Variants in CA10 observed in about 807,000 individuals in gnomAD.
CA10 encodes the protein carbonic anhydrase 10 (inactive).
CA10 carries 14 observed loss-of-function variants against 44.2 expected under a neutral mutation model. That is an observed-to-expected ratio of 0.32 (90% confidence interval 0.21 to 0.50). The LOEUF (loss-of-function observed/expected upper bound fraction) is 0.50. Ranked by LOEUF, CA10 falls within the 20% of genes least tolerant of loss-of-function variation. The probability of loss-of-function intolerance (pLI) is 0.99; values close to 1 mark genes in which losing one functional copy is unlikely to be tolerated. For synonymous variants in CA10, 159 were observed against 141.6 expected, an observed-to-expected ratio of 1.12 and a Z score of -0.87; for missense variants, 350 against 409.7, an observed-to-expected ratio of 0.85 and a Z score of 1.26.
chr17:51,953,936 T>C (rs1983575127), intron 2 of CA10, among the ~76,000 whole-genome samples: 1 of 152,144 alleles, frequency 6.6e-6, no homozygotes, highest in Non-Finnish European at 1.5e-5. Context: ...TCCAAGAAAG[T>C]TAAACCAACA....
At position 51,633,585 on chromosome 17, in the gene CA10, G is replaced by A. The variant is rs34056432; in HGVS notation, c.855C>T (p.Asn285=). Residue 285 remains asparagine (N), a synonymous_variant, in exon 8 of 9, where the codon AAC becomes AAT. Coordinates refer to ENST00000451037, the MANE Select transcript of CA10 (RefSeq NM_020178.5). ...PSQIFLSMSD[N]FRPVQPLNNR... ...TGTTGAGTGGCTGGACAGGCCTGAA[G>A]TTGTCACTCATGCTCAGAAAGATCT... 1.7e-3 allele frequency: 2,796 copies of A among 1,614,008 alleles called. 60 individuals carry two copies. In the African/African-American group the frequency reaches 0.033, roughly 19 times the overall value.
chr17:51,852,234 T>G (rs569590403), intron 3 of CA10, among the ~76,000 whole-genome samples: 1 of 152,294 alleles, frequency 6.6e-6, no homozygotes, highest in African/African-American at 2.4e-5. Flanking sequence ...CACTCAGTCA[T>G]GACCACAGCC....
chr17:52,091,043 AAAT>A (rs1268399865), intron 1 of CA10, among the ~76,000 whole-genome samples: 2 of 152,230 alleles, frequency 1.3e-5, no homozygotes, highest in Admixed American at 6.5e-5. Context: ...AAGAAATATT[AAAT>A]AATGTTTTTT....
At chr17:51,786,173 A>G (rs1283778712) in intron 3 of CA10, among the ~76,000 whole-genome samples, 1 of 151,342 alleles carries the variant, frequency 6.6e-6, no homozygotes, top group African/African-American at 2.4e-5. Flanking sequence ...GTATCCTTCT[A>G]CTTTACTGAT....
chr17:51,843,505 G>T (rs1283922166), intron 3 of CA10, among the ~76,000 whole-genome samples: 1 of 152,156 alleles, frequency 6.6e-6, no homozygotes, highest in Non-Finnish European at 1.5e-5. Flanking sequence ...CCAGTTGCTG[G>T]TTGATTTTTT....
chr17:51,694,495 GT>G (rs548169573), intron 4 of CA10, among the ~76,000 whole-genome samples: 3,338 of 127,394 alleles, frequency 0.026, 94 homozygotes, highest in Admixed American at 0.088. Context: ...TTTTAATGGG[GT>G]TTTTTTTTTT....
intron 2 of CA10, among the ~76,000 whole-genome samples, chr17:52,055,790 T>A (rs1464938631): frequency 6.6e-6 from 1 of 152,156 alleles, no homozygotes; most frequent in Non-Finnish European, 1.5e-5. Flanking sequence ...CTCTTTTAAA[T>A]GAGGCATAAT....
chr17:51,723,290 C>G (rs1228016019), intron 4 of CA10, among the ~76,000 whole-genome samples: 1 of 152,146 alleles, frequency 6.6e-6, no homozygotes, highest in African/African-American at 2.4e-5. Context: ...AAGGTTACAG[C>G]TAAAAATTAG....
chr17:51,780,103 C>T lies in CA10; in HGVS notation c.280-32285G>A, dbSNP rs138702688. On this transcript the variant is annotated intron_variant, in intron 3 of 8. Coordinates refer to ENST00000451037, the MANE Select transcript of CA10 (RefSeq NM_020178.5). ...ATAGATTCTAGAGTGTAATCATAGA[C>T]ATTCAACCTGGACTTCTAGAACATT... 5.3e-4 allele frequency among the ~76,000 whole-genome samples: 81 copies of T among 152,330 alleles called. 1 individual carries two copies. The highest frequency in any genetic ancestry group is 1.9e-3 in the African/African-American group (78 of 41,580).
intron 4 of CA10, among the ~76,000 whole-genome samples, chr17:51,693,169 A>T (rs1008609986): frequency 6.6e-6 from 1 of 152,164 alleles, no homozygotes; most frequent in Non-Finnish European, 1.5e-5. Context: ...AGCTTCAGCC[A>T]ATGTTGACTG....
intron 4 of CA10, among the ~76,000 whole-genome samples, chr17:51,717,174 C>T (rs993546917): frequency 6.6e-5 from 10 of 152,100 alleles, no homozygotes; most frequent in South Asian, 2.1e-4. Context: ...GAGAGAGCTC[C>T]GAATACCCCT....
intron 3 of CA10, among the ~76,000 whole-genome samples, chr17:51,880,247 G>A (rs191987659): frequency 6.2e-4 from 95 of 152,146 alleles, no homozygotes; most frequent in Non-Finnish European, 1.1e-3. Flanking sequence ...GTATGTCCCC[G>A]TGTGGTACTG....
chr17:51,842,155 C>T (rs143647682), intron 3 of CA10, among the ~76,000 whole-genome samples: 3 of 152,280 alleles, frequency 2.0e-5, no homozygotes, highest in African/African-American at 7.2e-5. Flanking sequence ...TGAACAAAAT[C>T]AGTACTTCAT....
chr17:51,718,224 TTTAAAA>T (rs1916234870), intron 4 of CA10, among the ~76,000 whole-genome samples: 3 of 23,326 alleles, frequency 1.3e-4, no homozygotes, highest in African/African-American at 3.5e-4. Flanking sequence ...GAAAAAAAGA[TTTAAAA>T]TGAAAAAAAG....
At chr17:51,821,733 C>G (rs1380309319) in intron 3 of CA10, among the ~76,000 whole-genome samples, 1 of 152,016 alleles carries the variant, frequency 6.6e-6, no homozygotes, top group Non-Finnish European at 1.5e-5. Context: ...CCTGGATACT[C>G]TCTGCTCTCT....
chr17:51,769,826 G>A (rs1286887335), intron 3 of CA10, among the ~76,000 whole-genome samples: 8 of 152,148 alleles, frequency 5.3e-5, no homozygotes, highest in East Asian at 1.9e-4. Context: ...AGAAGCCAAC[G>A]TGGTTGATGA....
intron 8 of CA10, among the ~76,000 whole-genome samples, chr17:51,632,371 C>T (rs189032258): frequency 1.1e-3 from 173 of 152,150 alleles, no homozygotes; most frequent in Non-Finnish European, 1.6e-3. Flanking sequence ...CTGGTAGTTC[C>T]GGCTGGAAGG....
chr17:52,106,755 T>A (rs1379052895), intron 1 of CA10, among the ~76,000 whole-genome samples: 2 of 152,240 alleles, frequency 1.3e-5, no homozygotes, highest in African/African-American at 2.4e-5. Flanking sequence ...ACATTTAGAC[T>A]AACTTGGTTC....
intron 2 of CA10, among the ~76,000 whole-genome samples, chr17:52,024,751 C>T (rs1177954345): frequency 1.3e-5 from 2 of 151,970 alleles, no homozygotes; most frequent in Admixed American, 6.6e-5. Flanking sequence ...AATTATATTA[C>T]AGGCTGGTAA....
Sources: allele counts gnomAD v4.1 joint callset (sites outside exome capture counted in the v4.1 genomes callset), GRCh38; gene constraint gnomAD v4.1.1; transcripts MANE v1.5; gene names NCBI Gene and HGNC (gene_info 2026-07-23, HGNC 2026-07-21).